OBSL1: variants seen among roughly 807,000 people sequenced by gnomAD.
OBSL1 encodes obscurin-like protein 1.
OBSL1 carries 160 observed loss-of-function variants against 172.0 expected under a neutral mutation model. The ratio of observed to expected loss-of-function variants is 0.93; its 90% CI spans 0.82 to 1.06. OBSL1 has a LOEUF of 1.06. OBSL1 is among the 50% of genes least tolerant of loss of function. OBSL1 has a pLI of 0.00. For synonymous variants in OBSL1, 1,200 were observed against 1,196.3 expected (o/e 1.00, Z -0.06); for missense variants, 2,681 against 2,715.4 (o/e 0.99, Z 0.28).
chr2:219,550,960 C>G, intron 20 of OBSL1, 118 bp from the exon 21 acceptor site: 1 of 1,538,940 alleles, frequency 6.5e-7, no homozygotes, highest in Non-Finnish European at 8.7e-7. Context: ...CTGCCCTACC[C>G]TTTCTGGGCC....
At position 219,561,987 on chromosome 2, in the gene OBSL1, C is replaced by T. The variant is rs1335463987; in HGVS notation, c.2953+415G>A. ...GCATAACTCCGGATTGTTATTTGAA[C>T]TGTCCTGACTTTGGTAAGACTCTGC... On this transcript the variant is annotated intron_variant, in intron 8 of 20. Transcript: ENST00000404537. 3.2e-5 allele frequency: 23 copies of T among 717,556 alleles called. No homozygotes were observed. In the East Asian group the frequency reaches 6.2e-4, roughly 19 times the overall value. The allele number at this position is 717,556 out of a possible 1,614,324, so 44.4% of individuals were successfully genotyped here.
rs747020402 is a variant in OBSL1, at chr2:219,571,274, A to AGGGGGGGGGGGGGG, written c.-43_-42insCCCCCCCCCCCCCC. 2 of 538,432 alleles carry AGGGGGGGGGGGGGG rather than the reference A, an allele frequency of 3.7e-6. No homozygotes were observed. Among genetic ancestry groups the AGGGGGGGGGGGGGG allele is most frequent in the Non-Finnish European group, 4.9e-6 (2 of 404,092 alleles). The allele number at this position is 538,432 out of a possible 1,614,324, so 33.4% of individuals were successfully genotyped here. A position where few individuals can be genotyped will look rare whatever the true frequency, so the allele number is the denominator to read the frequency against. Reference sequence around the variant, plus strand: ...CTGCAGCGGCGAACGGTGGGGGGGCAGGGGGGGGTGCGGAGGGCGAGCCGA... The same window carrying AGGGGGGGGGGGGGG: ...CTGCAGCGGCGAACGGTGGGGGGGCAGGGGGGGGGGGGGGGGGGGGGGTGCGGAGGGCGAGCCGA... On this transcript the variant is annotated 5_prime_UTR_variant, in exon 1 of 21. Coordinates refer to ENST00000404537, the MANE Select transcript of OBSL1 (RefSeq NM_015311.3).
At chr2:219,567,153 C>G in intron 4 of OBSL1, 27 bp from the exon 5 acceptor site, 2 of 1,607,242 alleles carry the variant, frequency 1.2e-6, no homozygotes, top group Non-Finnish European at 1.7e-6. Context: ...GTGCAGCTGT[C>G]AGAACTAGAA....
chr2:219,552,998 C>T lies in OBSL1; in HGVS notation c.5016G>A (p.Pro1672=). The T allele has an allele frequency of 6.6e-7, 1 of 1,523,760 alleles. No individual in the cohort carries two copies. The highest frequency in any genetic ancestry group is 8.8e-7 in the Non-Finnish European group (1 of 1,141,012). The allele number at this position is 1,523,760 out of a possible 1,614,324, so 94.4% of individuals were successfully genotyped here. The change falls in exon 17 of 21, where the codon CCG becomes CCA. Residue 1672 remains proline (P), a synonymous_variant. Coordinates refer to ENST00000404537, the MANE Select transcript of OBSL1 (RefSeq NM_015311.3). The part of the protein sequence containing the change: ...EKDGNALTPS[P]RLRLQALGTR... Reference sequence around the variant, plus strand: ...TGCCGAGGGCCTGGAGCCGGAGCCGCGGGCTAGGCGTAAGCGCGTTCCCGT... The same window carrying T: ...TGCCGAGGGCCTGGAGCCGGAGCCGTGGGCTAGGCGTAAGCGCGTTCCCGT...
At position 219,556,687 on chromosome 2, in the gene OBSL1, G is replaced by A. The variant is rs1254960810; in HGVS notation, c.4103C>T (p.Pro1368Leu). 1.9e-6 allele frequency: 3 copies of A among 1,609,200 alleles called. No individual in the cohort carries two copies. Among genetic ancestry groups the A allele is most frequent in the East Asian group, 4.5e-5 (2 of 44,736 alleles). Residue 1368 changes from proline (P) to leucine (L), a missense_variant, in exon 13 of 21, where the codon CCA (proline) becomes CTA (leucine). By Grantham distance (98) the Pro-to-Leu change is moderately conservative. Transcript: ENST00000404537. ...ATCATCGCCCTCGTGGACAGTGAGT[G>A]GTGTCAGCTCCGAGACCAGCTTCAC... Reference protein sequence around the residue: ...LLVKLVSELTPLTVHEGDDAT... With the variant: ...LLVKLVSELTLLTVHEGDDAT...
intron 8 of OBSL1, among the ~76,000 whole-genome samples, chr2:219,559,872 CATATCTT>C (rs1476127372): frequency 6.6e-5 from 10 of 152,158 alleles, no homozygotes; most frequent in African/African-American, 1.9e-4. Flanking sequence ...ATAAGACACT[CATATCTT>C]ATAGATATAC....
Position 219,563,536 on chromosome 2 carries a change from T to G in OBSL1, c.2499A>C (p.Arg833=). 1 of 1,613,294 alleles carries G rather than the reference T, an allele frequency of 6.2e-7. No individual in the cohort carries two copies. Among genetic ancestry groups the G allele is most frequent in the Non-Finnish European group, 8.5e-7 (1 of 1,179,810 alleles). The stretch of plus-strand genomic sequence containing the variant: ...TGTACCAACGCACAGGGGCGTCCTC[T>G]CGGTCCACCTCACAGGCCAGCATGA... ...ECVMLACEVD[R]EDAPVRWYKD... Residue 833 remains arginine (R), a synonymous_variant, in exon 7 of 21, where the codon CGA becomes CGC. Coordinates refer to ENST00000404537, the MANE Select transcript of OBSL1 (RefSeq NM_015311.3).
downstream of OBSL1, chr2:219,547,868 G>A: frequency 1.6e-5 from 26 of 1,590,164 alleles, no homozygotes; most frequent in Middle Eastern, 1.7e-4. Flanking sequence ...CCTGGCCACC[G>A]CCGTGACTGG....
At chr2:219,557,647 G>T in intron 11 of OBSL1, 29 bp from the exon 12 acceptor site, 1 of 1,514,268 alleles carries the variant, frequency 6.6e-7, no homozygotes, top group Non-Finnish European at 8.8e-7. Context: ...AGGTCACTGG[G>T]AGGGAGAGGC....
At chr2:219,547,955 C>A (rs146753639), downstream of OBSL1, 15 of 1,590,038 alleles carry the variant, frequency 9.4e-6, no homozygotes, top group South Asian at 1.5e-4. Context: ...GGAGCGACTC[C>A]GGGCTGCTCC....
Position 219,552,284 on chromosome 2 carries a change from G to T in OBSL1, c.5309-68C>A. 4 of 1,406,234 alleles carry T rather than the reference G, an allele frequency of 2.8e-6. No homozygotes were observed. The South Asian group carries it at 5.0e-5, about 18-fold the overall frequency. 87.1% of individuals were successfully genotyped at this position (1,406,234 alleles called of 1,614,324 possible). On this transcript the variant is annotated intron_variant, in intron 18 of 20. Transcript: ENST00000404537. ...AGGAGCGTTGGGGACGAAGGTGGGG[G>T]CCCAGCAGGCCCCTGGGTCGGTTCG...
At position 219,570,416 on chromosome 2, in the gene OBSL1, G is replaced by T. The variant is rs1160904334; in HGVS notation, c.817C>A (p.Pro273Thr). 1.2e-6 allele frequency: 2 copies of T among 1,613,334 alleles called. No individual in the cohort carries two copies. Among genetic ancestry groups the T allele is most frequent in the Non-Finnish European group, 1.7e-6 (2 of 1,179,614 alleles). ...CAGTGCCATTCGATCTCGGGCTCGG[G>T]CTTGCCCATCACGTAGCAGCGGAAC... is the stretch of plus-strand genomic sequence containing the variant. Reference protein sequence around the residue: ...AKFRCYVMGKPEPEIEWHWEG... With the variant: ...AKFRCYVMGKTEPEIEWHWEG... Residue 273 changes from proline (P) to threonine (T), a missense_variant, in exon 1 of 21, where the codon CCC (proline) becomes ACC (threonine). Around this residue, in one of 5 missense-constraint regions of OBSL1, gnomAD observed 706 missense variants for 695.8 expected, o/e 1.01. Coordinates refer to ENST00000404537, the MANE Select transcript of OBSL1 (RefSeq NM_015311.3).
chr2:219,560,215 G>A lies in OBSL1; in HGVS notation c.2954-718C>T, dbSNP rs898884459. ...CAGAGTGATTATACAACTTCCTTAA[G>A]GTCACAGCTGGCTACACCCACTCTG... On this transcript the variant is annotated intron_variant, in intron 8 of 20. Transcript: ENST00000404537. 2.0e-5 allele frequency among the ~76,000 whole-genome samples: 3 copies of A among 152,270 alleles called. No individual in the cohort carries two copies. In the East Asian group the frequency reaches 5.8e-4, roughly 29 times the overall value.
In OBSL1 at chr2:219,571,255, C is replaced by T. The variant is rs746207079; in HGVS notation, c.-23G>A. On this transcript the variant is annotated 5_prime_UTR_variant, in exon 1 of 21. Coordinates refer to ENST00000404537, the MANE Select transcript of OBSL1 (RefSeq NM_015311.3). ...CATCGCGGCGGCCGACCGCCTGCAGCGGCGAACGGTGGGGGGGCAGGGGGG... is the reference window on the plus strand; with the variant it reads ...CATCGCGGCGGCCGACCGCCTGCAGTGGCGAACGGTGGGGGGGCAGGGGGG... 5 of 1,110,372 alleles carry T rather than the reference C, an allele frequency of 4.5e-6. No individual in the cohort carries two copies. The East Asian group carries it at 1.2e-4, about 26-fold the overall frequency. The allele number at this position is 1,110,372 out of a possible 1,614,324, so 68.8% of individuals were successfully genotyped here. A position where few individuals can be genotyped will look rare whatever the true frequency, so the allele number is the denominator to read the frequency against.
chr2:219,552,420 G>T, intron 18 of OBSL1, 116 bp downstream of exon 18: 1 of 1,099,454 alleles, frequency 9.1e-7, no homozygotes, highest in Non-Finnish European at 1.3e-6. Flanking sequence ...GAGGCTCACA[G>T]GGCCGTGGGG....
chr2:219,567,633 C>T, intron 3 of OBSL1, 58 bp from the exon 4 acceptor site: 17 of 1,590,032 alleles, frequency 1.1e-5, no homozygotes, highest in Non-Finnish European at 1.5e-5. Context: ...GCCCTTCCAC[C>T]TTAAATCTAC....
rs1559155425 is a variant in OBSL1 at position 219,568,049 on chromosome 2, G to C, written c.1282+6C>G. The stretch of plus-strand genomic sequence containing the variant: ...GCCTCAGCCTCTTCCCCACGGGCCA[G>C]CTGACCTTTGACTGTGACGTTGGCC... On this transcript the variant is annotated splice_donor_region_variant and intron_variant, in intron 2 of 20. Transcript: ENST00000404537. This position sits in a 1 kb window ranked among gnomAD's most constrained non-coding sequence, Gnocchi z 4.1. The C allele has an allele frequency of 3.7e-6, 6 of 1,608,788 alleles. No individual in the cohort carries two copies. Among genetic ancestry groups the C allele is most frequent in the Non-Finnish European group, 5.1e-6 (6 of 1,175,704 alleles).
At chr2:219,553,148 T>A in intron 16 of OBSL1, 124 bp from the exon 17 acceptor site, 1 of 1,288,730 alleles carries the variant, frequency 7.8e-7, no homozygotes, top group Non-Finnish European at 1.0e-6. Flanking sequence ...GCGTGTCTCG[T>A]GTTCCCAGGC....
intron 3 of OBSL1, 52 bp downstream of exon 3, chr2:219,567,665 TC>T: frequency 6.3e-7 from 1 of 1,591,266 alleles, no homozygotes; most frequent in Non-Finnish European, 8.6e-7. Flanking sequence ...AGCTCCGGCA[TC>T]TGGCCAACCT....
Sources: allele counts gnomAD v4.1 joint callset (sites outside exome capture counted in the v4.1 genomes callset), GRCh38; gene constraint gnomAD v4.1.1; regional missense constraint gnomAD v4.1.1; non-coding constraint Gnocchi (gnomAD v3.1); transcripts MANE v1.5; gene names NCBI Gene and HGNC (gene_info 2026-07-23, HGNC 2026-07-21).